Variants in CPNE3 observed in about 807,000 individuals in gnomAD.
CPNE3 encodes the protein copine 3.
In CPNE3, 68 loss-of-function variants were observed where a neutral mutation model predicts 63.9. The observed-to-expected ratio is 1.06, with a 90% confidence interval of 0.87 to 1.30. CPNE3 has a LOEUF of 1.30. CPNE3 is among the 50% of genes most tolerant of loss of function. The pLI is 0.00. For missense variants in CPNE3, 665 were observed against 578.1 expected (o/e 1.15, Z -1.54); for synonymous variants, 219 against 197.5 (o/e 1.11, Z -0.91).
intron 16 of CPNE3, 79 bp downstream of exon 16, chr8:86,556,417 T>C: frequency 1.2e-6 from 1 of 821,716 alleles, no homozygotes; most frequent in South Asian, 1.3e-5. Flanking sequence ...GGCAGTTGAT[T>C]AGGTGTGCAG....
chr8:86,549,960 T>C (rs1357966798), intron 12 of CPNE3, among the ~76,000 whole-genome samples: 3 of 152,218 alleles, frequency 2.0e-5, no homozygotes, highest in Non-Finnish European at 4.4e-5. Context: ...GGTGTTCTAT[T>C]ATTAAAGGAG....
At chr8:86,516,997 G>A (rs1230666317) in intron 2 of CPNE3, among the ~76,000 whole-genome samples, 1 of 152,126 alleles carries the variant, frequency 6.6e-6, no homozygotes, top group African/African-American at 2.4e-5. Flanking sequence ...TTCCATTGGT[G>A]GTACTCAGTG....
In CPNE3 at chr8:86,528,681, A is replaced by G. The variant is rs1219483246; in HGVS notation, c.132+4A>G. The G allele has an allele frequency of 6.2e-7, 1 of 1,606,476 alleles. No individual in the cohort carries two copies. On this transcript the variant is annotated splice_donor_region_variant and intron_variant, in intron 3 of 16. Transcript: ENST00000517490. ...AAGTGGTCAACAGTGGTATGAGGTA[A>G]TGTCAAATACTTTACCTAAAAAGTA...
At chr8:86,521,278 A>G (rs138323479) in intron 2 of CPNE3, among the ~76,000 whole-genome samples, 1 of 152,330 alleles carries the variant, frequency 6.6e-6, no homozygotes, top group African/African-American at 2.4e-5. Flanking sequence ...TATCTTGAAG[A>G]GGAACTGCTA....
At position 86,540,112 on chromosome 8, in the gene CPNE3, G is replaced by T. The variant is rs1820899788; in HGVS notation, c.544-133G>T. On this transcript the variant is annotated intron_variant, in intron 7 of 16. Transcript: ENST00000517490. Reference sequence around the variant, plus strand: ...TAATATTGTTCTAGGTAGTTTTTTTGTGGAAATAGTTGAGTTGATGAAGAG... The same window carrying T: ...TAATATTGTTCTAGGTAGTTTTTTTTTGGAAATAGTTGAGTTGATGAAGAG... The T allele has an allele frequency of 4.8e-6, 3 of 625,788 alleles. No individual in the cohort carries two copies. The Admixed American group carries it at 8.3e-5, about 17-fold the overall frequency. 38.8% of individuals were successfully genotyped at this position (625,788 alleles called of 1,614,324 possible).
chr8:86,547,667 G>C lies in CPNE3; in HGVS notation c.820-44G>C, dbSNP rs750717749. Reference sequence around the variant, plus strand: ...TGCCAAAGAGTTTTTTGCTTCTCTTGTATAGTAGGAGAGTTGTAATTTTAA... The same window carrying C: ...TGCCAAAGAGTTTTTTGCTTCTCTTCTATAGTAGGAGAGTTGTAATTTTAA... On this transcript the variant is annotated intron_variant, in intron 10 of 16. Coordinates refer to ENST00000517490, the MANE Select transcript of CPNE3 (RefSeq NM_003909.5). 9.5e-6 allele frequency: 8 copies of C among 842,140 alleles called. No individual in the cohort carries two copies. The African/African-American group carries it at 1.2e-4, about 12-fold the overall frequency. The allele number at this position is 842,140 out of a possible 1,614,324, so 52.2% of individuals were successfully genotyped here. A position where few individuals can be genotyped will look rare whatever the true frequency, so the allele number is the denominator to read the frequency against.
In CPNE3 at chr8:86,539,890, C is replaced by G. The variant is rs145600747; in HGVS notation, c.544-355C>G. 1.8e-3 allele frequency among the ~76,000 whole-genome samples: 280 copies of G among 152,182 alleles called. 2 individuals carry two copies. Among genetic ancestry groups the G allele is most frequent in the African/African-American group, 6.3e-3 (261 of 41,510 alleles). The stretch of plus-strand genomic sequence containing the variant: ...ATGTTGGCCAGGCTGGTCTCAAACT[C>G]CTGACCTCAGATGATCTGCCCGTCT... On this transcript the variant is annotated intron_variant, in intron 7 of 16. Transcript: ENST00000517490.
intron 6 of CPNE3, among the ~76,000 whole-genome samples, chr8:86,534,427 A>G (rs1820756411): frequency 6.6e-6 from 1 of 152,078 alleles, no homozygotes; most frequent in Admixed American, 6.6e-5. Context: ...AGGCCGAGGT[A>G]GGTGGCTTAC....
chr8:86,554,537 A>G (rs537628258), intron 14 of CPNE3, among the ~76,000 whole-genome samples: 2 of 152,298 alleles, frequency 1.3e-5, no homozygotes, highest in South Asian at 2.1e-4. Flanking sequence ...ATGGTTTTCT[A>G]TCAGAGCCAC....
At chr8:86,526,092 G>A (rs940646347) in intron 2 of CPNE3, among the ~76,000 whole-genome samples, 11 of 152,130 alleles carry the variant, frequency 7.2e-5, no homozygotes, top group South Asian at 2.1e-4. Flanking sequence ...TCAACCGGGC[G>A]GTGGCGGGCA....
chr8:86,552,574 C>T (rs139317964), intron 14 of CPNE3, among the ~76,000 whole-genome samples: 1 of 152,052 alleles, frequency 6.6e-6, no homozygotes, highest in East Asian at 1.9e-4. Flanking sequence ...GGCTGTTCAC[C>T]AAGTGGTTTA....
chr8:86,556,375 A>T, intron 16 of CPNE3, 37 bp downstream of exon 16: 1 of 870,050 alleles, frequency 1.1e-6, no homozygotes, highest in Admixed American at 1.7e-5. Context: ...CACTAAAGTG[A>T]CTGAACACAG....
Position 86,544,814 on chromosome 8 carries a change from G to C in CPNE3, c.708G>C (p.Leu236=). ...IGTFQTTMTK[L]KEASRSSPVE... Reference sequence around the variant, plus strand: ...CATTTCAGACCACCATGACAAAACTGAAAGAAGCCTCCAGAAGCTCACCTG... The same window carrying C: ...CATTTCAGACCACCATGACAAAACTCAAAGAAGCCTCCAGAAGCTCACCTG... The change falls in exon 9 of 17, where the codon CTG becomes CTC. Residue 236 remains leucine (L), a synonymous_variant. Transcript: ENST00000517490. 1 of 1,593,980 alleles carries C rather than the reference G, an allele frequency of 6.3e-7. No individual in the cohort carries two copies. The highest frequency in any genetic ancestry group is 8.6e-7 in the Non-Finnish European group (1 of 1,169,186).
At chr8:86,541,792 G>T (rs749015501) in intron 8 of CPNE3, among the ~76,000 whole-genome samples, 1 of 151,030 alleles carries the variant, frequency 6.6e-6, no homozygotes, top group Non-Finnish European at 1.5e-5. Context: ...ATCAATCTAA[G>T]TATGATTTGT....
intron 10 of CPNE3, chr8:86,547,387 T>C (rs1821075318): frequency 1.5e-5 from 3 of 200,084 alleles, no homozygotes; most frequent in Non-Finnish European, 2.0e-5. Context: ...GGAGTTTTTG[T>C]TTTTTAAAAT....
rs1191875553 is a variant in CPNE3, at chr8:86,528,658, G to A, written c.113G>A (p.Ser38Asn). Residue 38 changes from serine (S) to asparagine (N), a missense_variant, in exon 3 of 17, where the codon AGT becomes AAT. Transcript: ENST00000517490. The stretch of plus-strand genomic sequence containing the variant: ...TTATGTGTGTTGTTTTTGAATACAA[G>A]TGGTCAACAGTGGTATGAGGTAATG... The part of the protein sequence containing the change: ...DPLCVLFLNT[S>N]GQQWYEVERT... The A allele has an allele frequency of 2.5e-6, 4 of 1,613,072 alleles. No individual in the cohort carries two copies. The African/African-American group carries it at 4.0e-5, about 16-fold the overall frequency.
chr8:86,534,232 G>A (rs1270872987), intron 6 of CPNE3, among the ~76,000 whole-genome samples: 3 of 151,988 alleles, frequency 2.0e-5, no homozygotes, highest in Admixed American at 1.3e-4. Flanking sequence ...AGTATGATCT[G>A]CTGGCATTTT....
At chr8:86,550,861 A>C in intron 12 of CPNE3, 185 bp from the exon 13 acceptor site, 1 of 591,002 alleles carries the variant, frequency 1.7e-6, no homozygotes, top group Non-Finnish European at 2.7e-6. Flanking sequence ...CTCAGTGCAC[A>C]GAAAAATATT....
At chr8:86,542,742 G>T (rs7824873) in intron 8 of CPNE3, among the ~76,000 whole-genome samples, 1 of 151,790 alleles carries the variant, frequency 6.6e-6, no homozygotes, top group Admixed American at 6.6e-5. Flanking sequence ...ACCTCATACC[G>T]TATCTGAACA....
Sources: gnomAD v4.1 joint callset for allele counts (sites outside exome capture counted in the v4.1 genomes callset) on GRCh38, gnomAD v4.1.1 for gene constraint, MANE v1.5 for transcripts, NCBI Gene and HGNC (gene_info 2026-07-23, HGNC 2026-07-21) for gene names.